The following KNL1 variants were observed in gnomAD, a reference collection of about 807,000 sequenced individuals.
The protein encoded by KNL1 is kinetochore scaffold 1, also known as outer kinetochore KNL1 complex subunit KNL1.
KNL1 carries 66 observed loss-of-function variants against 201.3 expected under a neutral mutation model. The observed-to-expected ratio is 0.33, with a 90% confidence interval of 0.27 to 0.40. The LOEUF (loss-of-function observed/expected upper bound fraction) is 0.40, where lower values mean the gene tolerates loss of function less well. Ranked by LOEUF, KNL1 falls within the 10% of genes least tolerant of loss-of-function variation. The probability of loss-of-function intolerance (pLI) is 1.00; values close to 1 mark genes in which losing one functional copy is unlikely to be tolerated. For synonymous variants in KNL1, 895 were observed against 899.2 expected, an observed-to-expected ratio of 1.00 and a Z score of 0.08; for missense variants, 2,815 against 2,690.5, an observed-to-expected ratio of 1.05 and a Z score of -1.02.
chr15:40,649,521 C>G (rs1218727085), intron 17 of KNL1, among the ~76,000 whole-genome samples: 1 of 152,050 alleles, frequency 6.6e-6, no homozygotes, highest in Non-Finnish European at 1.5e-5. Flanking sequence ...GTCTCAACTC[C>G]TGGCCTCAAG....
chr15:40,608,996 C>G, intron 5 of KNL1, 88 bp downstream of exon 5: 1 of 824,858 alleles, frequency 1.2e-6, no homozygotes, highest in Non-Finnish European at 2.0e-6. Context: ...CTTGAATAAT[C>G]TGTTTTGATT....
At chr15:40,651,857 A>C (rs1345794664) in intron 20 of KNL1, 148 bp from the exon 21 acceptor site, 7 of 576,174 alleles carry the variant, frequency 1.2e-5, no homozygotes, top group Non-Finnish European at 2.1e-5. Context: ...AAGTTTGTAC[A>C]TCCACAATAT....
intron 25 of KNL1, among the ~76,000 whole-genome samples, chr15:40,660,036 G>A (rs1300465356): frequency 6.6e-6 from 1 of 151,800 alleles, no homozygotes; most frequent in East Asian, 1.9e-4. Context: ...TCAGCCTCCT[G>A]AGTAACTGGG....
At position 40,625,271 on chromosome 15, in the gene KNL1, TGAC is replaced by T; in HGVS notation, c.5008_5010del (p.Asp1670del). 4 of 1,614,136 alleles carry T rather than the reference TGAC, an allele frequency of 2.5e-6. No homozygotes were observed. The highest frequency in any genetic ancestry group is 2.2e-5 in the East Asian group (1 of 44,870). ...GAAATTGTAGTGTCACTGGTATTGA[TGAC>T]CTGGAACAGATTCCAGCAGACACAA... On this transcript the variant is annotated inframe_deletion, in exon 10 of 26. Transcript: ENST00000399668.
At chr15:40,643,959 G>A (rs915752296) in intron 14 of KNL1, among the ~76,000 whole-genome samples, 1 of 152,280 alleles carries the variant, frequency 6.6e-6, no homozygotes, top group South Asian at 2.1e-4. Flanking sequence ...GCTTGAAGAG[G>A]TGGCCTGCCC....
In KNL1 at chr15:40,609,038, GT is replaced by G. The variant is rs543123858; in HGVS notation, c.197+131del. On this transcript the variant is annotated intron_variant, in intron 5 of 25. Coordinates refer to ENST00000399668, the MANE Select transcript of KNL1 (RefSeq NM_144508.5). ...TAGTTATTCTTCAAAGGGTTATTCA[GT>G]ATTATGTTTAAAAGAGAAACAAAGC... The G allele has an allele frequency of 6.7e-4, 405 of 604,640 alleles. No homozygotes were observed. The Middle Eastern group carries it at 7.7e-3, about 11-fold the overall frequency. 37.5% of individuals were successfully genotyped at this position (604,640 alleles called of 1,614,324 possible). A position where few individuals can be genotyped will look rare whatever the true frequency, so the allele number is the denominator to read the frequency against.
At chr15:40,644,061 G>A (rs1233607778) in intron 14 of KNL1, among the ~76,000 whole-genome samples, 2 of 152,174 alleles carry the variant, frequency 1.3e-5, no homozygotes, top group Non-Finnish European at 2.9e-5. Flanking sequence ...ACAACAGTGG[G>A]CCCAGGGGAC....
chr15:40,630,952 C>T (rs1055400896), intron 13 of KNL1, among the ~76,000 whole-genome samples: 1 of 151,582 alleles, frequency 6.6e-6, no homozygotes, highest in African/African-American at 2.4e-5. Context: ...GAACCCGTCT[C>T]TAAAACAATA....
At chr15:40,660,532 G>A (rs1893878032) in intron 25 of KNL1, among the ~76,000 whole-genome samples, 2 of 151,922 alleles carry the variant, frequency 1.3e-5, no homozygotes, top group Non-Finnish European at 2.9e-5. Flanking sequence ...CAGGCGTGGC[G>A]GTGGGCGCCT....
chr15:40,618,437 C>T (rs1182772731), intron 8 of KNL1, among the ~76,000 whole-genome samples: 2 of 152,160 alleles, frequency 1.3e-5, no homozygotes, highest in Admixed American at 1.3e-4. Context: ...CCTTCAGAAT[C>T]CTACCCTAAC....
chr15:40,642,379 G>A (rs1010506561), intron 14 of KNL1, among the ~76,000 whole-genome samples: 1 of 150,926 alleles, frequency 6.6e-6, no homozygotes, highest in African/African-American at 2.4e-5. Context: ...AGCAGCTTGG[G>A]CCAAAGAGCG....
Position 40,623,161 on chromosome 15 carries a change from A to G in KNL1, c.2897A>G (p.Glu966Gly), listed in dbSNP as rs1595926202. 1 of 1,613,948 alleles carries G rather than the reference A, an allele frequency of 6.2e-7. No individual in the cohort carries two copies. Among genetic ancestry groups the G allele is most frequent in the Non-Finnish European group, 8.5e-7 (1 of 1,179,888 alleles). The change falls in exon 10 of 26, where the codon GAA (glutamate) becomes GGA (glycine). Residue 966 changes from glutamate to glycine, a missense_variant. Around this residue, in one of 3 missense-constraint regions of KNL1, gnomAD observed 2,464 missense variants for 2,291.7 expected, o/e 1.08. Coordinates refer to ENST00000399668, the MANE Select transcript of KNL1 (RefSeq NM_144508.5). ...CATACTGTTTTCATTGACTACCAAG[A>G]AAAGGAAAGAACAGACAGACCTAAC... The part of the protein sequence containing the change: ...ESHTVFIDYQ[E>G]KERTDRPNFE...
In KNL1 at chr15:40,623,186, C is replaced by G; in HGVS notation, c.2922C>G (p.Asn974Lys). The G allele has an allele frequency of 6.2e-7, 1 of 1,613,980 alleles. No individual in the cohort carries two copies. Among genetic ancestry groups the G allele is most frequent in the Non-Finnish European group, 8.5e-7 (1 of 1,179,912 alleles). ...YQEKERTDRP[N>K]FELSQRKSLG... Reference sequence around the variant, plus strand: ...AAAAGGAAAGAACAGACAGACCTAACTTTGAACTATCCCAAAGGAAAAGCC... The same window carrying G: ...AAAAGGAAAGAACAGACAGACCTAAGTTTGAACTATCCCAAAGGAAAAGCC... The change falls in exon 10 of 26, where the codon AAC (asparagine) becomes AAG (lysine). Residue 974 changes from asparagine to lysine, a missense_variant. By Grantham distance (94) the Asn-to-Lys change is moderately conservative. This residue lies in a region of KNL1 where 2,464 missense variants were observed against 2,291.7 expected (regional missense o/e 1.08). Coordinates refer to ENST00000399668, the MANE Select transcript of KNL1 (RefSeq NM_144508.5).
chr15:40,654,497 G>C (rs1345524145), intron 21 of KNL1, among the ~76,000 whole-genome samples: 1 of 151,260 alleles, frequency 6.6e-6, no homozygotes, highest in Non-Finnish European at 1.5e-5. Flanking sequence ...TCAACTTCCT[G>C]TGGAAAAAAC....
intron 5 of KNL1, among the ~76,000 whole-genome samples, chr15:40,609,170 G>A (rs1892074210): frequency 1.3e-5 from 2 of 151,686 alleles, no homozygotes; most frequent in African/African-American, 4.9e-5. Context: ...CACTTTGGGA[G>A]GTTGAAGCCA....
chr15:40,601,226 C>T (rs149593714), intron 1 of KNL1, among the ~76,000 whole-genome samples: 10 of 152,250 alleles, frequency 6.6e-5, no homozygotes, highest in Non-Finnish European at 1.0e-4. Flanking sequence ...GGGCTCCTTA[C>T]GAGAGTCTAA....
intron 14 of KNL1, among the ~76,000 whole-genome samples, chr15:40,642,443 T>G (rs1269024920): frequency 6.6e-6 from 1 of 152,098 alleles, no homozygotes; most frequent in Non-Finnish European, 1.5e-5. Flanking sequence ...AATCAGAAAT[T>G]TAAGATATTT....
At chr15:40,629,243 GGT>G in intron 12 of KNL1, 28 bp from the exon 13 acceptor site, 2 of 1,287,108 alleles carry the variant, frequency 1.6e-6, no homozygotes, top group East Asian at 4.8e-5. Flanking sequence ...CACATTGAAT[GGT>G]CATGCAAACT....
Position 40,629,386 on chromosome 15 carries a change from T to C in KNL1, c.5682+15T>C, listed in dbSNP as rs1201776706. ...TCCCAGGCAATGTAAGTGCAGTTTCTTGGCAAAATGTTTGCATCAAAGCAA... is the reference window on the plus strand; with the variant it reads ...TCCCAGGCAATGTAAGTGCAGTTTCCTGGCAAAATGTTTGCATCAAAGCAA... On this transcript the variant is annotated intron_variant, in intron 13 of 25. Coordinates refer to ENST00000399668, the MANE Select transcript of KNL1 (RefSeq NM_144508.5). The C allele has an allele frequency of 6.4e-7, 1 of 1,553,418 alleles. No homozygotes were observed. The highest frequency in any genetic ancestry group is 8.7e-7 in the Non-Finnish European group (1 of 1,146,960).
Sources: allele counts gnomAD v4.1 joint callset (sites outside exome capture counted in the v4.1 genomes callset), GRCh38; gene constraint gnomAD v4.1.1; regional missense constraint gnomAD v4.1.1; transcripts MANE v1.5; gene names NCBI Gene and HGNC (gene_info 2026-07-23, HGNC 2026-07-21).